CTNNA2: variants seen among roughly 807,000 people sequenced by gnomAD.
CTNNA2 encodes the protein catenin alpha-2.
Under a neutral mutation model 101.0 loss-of-function variants are expected in CTNNA2, and 42 were observed. The observed-to-expected ratio is 0.42, with a 90% confidence interval of 0.32 to 0.54. CTNNA2 has a LOEUF of 0.54. Among genes scored for constraint, CTNNA2 ranks in the 20% least tolerant of loss-of-function variants. The pLI, the probability that CTNNA2 is intolerant of heterozygous loss-of-function variation, is 0.14. For synonymous variants in CTNNA2, 450 were observed against 456.4 expected (o/e 0.99, Z 0.18); for missense variants, 871 against 1,223.1 (o/e 0.71, Z 4.29).
rs768557033 is a variant in CTNNA2 at position 80,530,499 on chromosome 2, T to C, written c.1291-14483T>C. On this transcript the variant is annotated intron_variant, in intron 9 of 18. Coordinates refer to ENST00000402739, the MANE Select transcript of CTNNA2 (RefSeq NM_001282597.3). ...AGGAAGAAACTAATAGTTGCAGGTA[T>C]GATGAAAGTGGGGAGACCTTCCTGA... Among the ~76,000 whole-genome samples, 17 of 152,154 alleles carry C rather than the reference T, an allele frequency of 1.1e-4. 1 individual carries two copies. The highest frequency in any genetic ancestry group is 1.8e-4 in the Non-Finnish European group (12 of 68,036).
At chr2:79,448,381 G>T (rs1296870359) in intron 4 of CTNNA2, among the ~76,000 whole-genome samples, 1 of 151,928 alleles carries the variant, frequency 6.6e-6, no homozygotes, top group African/African-American at 2.4e-5. Flanking sequence ...CACATATTAT[G>T]TATGCATTAT....
At chr2:79,723,316 A>G (rs1349727821) in intron 2 of CTNNA2, among the ~76,000 whole-genome samples, 2 of 152,212 alleles carry the variant, frequency 1.3e-5, no homozygotes, top group Non-Finnish European at 2.9e-5. Context: ...GTGAAGAGGA[A>G]CTTTTCAGTT....
chr2:79,242,890 G>A (rs912427021), intron 2 of CTNNA2, among the ~76,000 whole-genome samples: 1 of 151,178 alleles, frequency 6.6e-6, no homozygotes, highest in Admixed American at 6.6e-5. Flanking sequence ...ATTCGTTGAG[G>A]GGGGAGTATG....
intron 4 of CTNNA2, among the ~76,000 whole-genome samples, chr2:79,479,171 A>G (rs1671082534): frequency 6.6e-6 from 1 of 152,190 alleles, no homozygotes; most frequent in Non-Finnish European, 1.5e-5. Flanking sequence ...ATTTAAAATT[A>G]TGAAAGTTAG....
intron 7 of CTNNA2, chr2:80,313,687 G>C (rs761437925): frequency 4.6e-6 from 7 of 1,516,394 alleles, no homozygotes; most frequent in Non-Finnish European, 6.3e-6. Context: ...AAAGGAGTGT[G>C]AATTTAGTGC....
chr2:79,255,230 A>G (rs1674828542), intron 2 of CTNNA2, among the ~76,000 whole-genome samples: 1 of 152,198 alleles, frequency 6.6e-6, no homozygotes, highest in African/African-American at 2.4e-5. Context: ...CCTGTAATCA[A>G]TGAATAAGAT....
At chr2:80,571,160 G>A (rs1187375560) in intron 12 of CTNNA2, among the ~76,000 whole-genome samples, 9 of 152,058 alleles carry the variant, frequency 5.9e-5, no homozygotes, top group African/African-American at 1.2e-4. Flanking sequence ...CTTTATATTC[G>A]AGAAAGGTCT....
rs577751444 is a variant in CTNNA2, at chr2:79,337,228, AC to A, written c.-318+24435del. ...TATGGCATACATAAGTCTGTAACTG[AC>A]CCAAGATAGGAAAGAAAATGGGTAC... On this transcript the variant is annotated intron_variant, in intron 3 of 21. Transcript: ENST00000466387. 8.5e-5 allele frequency among the ~76,000 whole-genome samples: 13 copies of A among 152,344 alleles called. No homozygotes were observed. The East Asian group carries it at 2.3e-3, about 27-fold the overall frequency.
At chr2:79,578,268 A>G (rs2103878057) in intron 1 of CTNNA2, among the ~76,000 whole-genome samples, 1 of 152,266 alleles carries the variant, frequency 6.6e-6, no homozygotes, top group Admixed American at 6.5e-5. Flanking sequence ...GAATTTCATT[A>G]TATTTTCAAG....
chr2:80,044,135 T>C (rs1696361829), intron 7 of CTNNA2, among the ~76,000 whole-genome samples: 1 of 152,200 alleles, frequency 6.6e-6, no homozygotes, highest in Non-Finnish European at 1.5e-5. Flanking sequence ...TATTTATTAT[T>C]GGTAATTTAT....
intron 7 of CTNNA2, among the ~76,000 whole-genome samples, chr2:80,066,524 T>C (rs917875719): frequency 6.6e-6 from 1 of 152,022 alleles, no homozygotes; most frequent in Non-Finnish European, 1.5e-5. Flanking sequence ...GAAATGCAAA[T>C]AAAAATCATA....
intron 7 of CTNNA2, among the ~76,000 whole-genome samples, chr2:79,998,238 T>C (rs1361874868): frequency 6.6e-6 from 1 of 152,226 alleles, no homozygotes; most frequent in African/African-American, 2.4e-5. Flanking sequence ...TCGTTGAAAC[T>C]ATTTAAATAC....
intron 7 of CTNNA2, among the ~76,000 whole-genome samples, chr2:80,221,101 T>G (rs1043035918): frequency 6.6e-6 from 1 of 152,192 alleles, no homozygotes; most frequent in African/African-American, 2.4e-5. Flanking sequence ...CAGGCTGGTC[T>G]CCAACGCCTG....
At chr2:79,850,300 C>CT (rs150922303) in intron 3 of CTNNA2, among the ~76,000 whole-genome samples, 11,833 of 56,372 alleles carry the variant, frequency 0.21, 929 homozygotes, top group Middle Eastern at 0.25. Flanking sequence ...CCCTCCCTCC[C>CT]CCCTCCCTTC....
chr2:79,669,895 T>A (rs1172506566), intron 2 of CTNNA2, among the ~76,000 whole-genome samples: 1 of 152,156 alleles, frequency 6.6e-6, no homozygotes, highest in Non-Finnish European at 1.5e-5. Context: ...ACCAGAAGTC[T>A]CCACTCCTGT....
intron 11 of CTNNA2, among the ~76,000 whole-genome samples, chr2:80,551,002 C>G (rs1046848008): frequency 4.6e-5 from 7 of 152,104 alleles, no homozygotes; most frequent in African/African-American, 1.7e-4. Context: ...AGTGAATTTT[C>G]TAAATAATAA....
intron 2 of CTNNA2, among the ~76,000 whole-genome samples, chr2:79,709,493 T>C (rs1208680637): frequency 6.6e-6 from 1 of 152,102 alleles, no homozygotes; most frequent in African/African-American, 2.4e-5. Flanking sequence ...ACAGGGTTAC[T>C]GTAGGGATGA....
intron 8 of CTNNA2, among the ~76,000 whole-genome samples, chr2:80,394,214 G>GTGC (rs1464806864): frequency 3.9e-5 from 6 of 152,312 alleles, no homozygotes; most frequent in Middle Eastern, 3.4e-3. Flanking sequence ...CTCCTGCAGT[G>GTGC]TGTTAAGTAC....
intron 3 of CTNNA2, among the ~76,000 whole-genome samples, chr2:79,821,011 A>C (rs929922272): frequency 1.3e-5 from 2 of 152,160 alleles, no homozygotes; most frequent in East Asian, 3.9e-4. Context: ...CATACTACTA[A>C]TATAACATAA....
Sources: allele counts gnomAD v4.1 joint callset (sites outside exome capture counted in the v4.1 genomes callset), GRCh38; gene constraint gnomAD v4.1.1; transcripts MANE v1.5; gene names NCBI Gene and HGNC (gene_info 2026-07-23, HGNC 2026-07-21).